Variants in SLC7A14 observed in about 807,000 individuals in gnomAD.
The protein encoded by SLC7A14 is solute carrier family 7 member 14.
SLC7A14 carries 37 observed loss-of-function variants against 60.2 expected under a neutral mutation model. That is an observed-to-expected ratio of 0.61 (90% confidence interval 0.47 to 0.81). The LOEUF (loss-of-function observed/expected upper bound fraction) is 0.81, where lower values mean the gene tolerates loss of function less well. Ranked by LOEUF, SLC7A14 falls within the 30% of genes least tolerant of loss-of-function variation. The probability of loss-of-function intolerance (pLI) is 0.00; values close to 1 mark genes in which losing one functional copy is unlikely to be tolerated. For synonymous variants in SLC7A14, 399 were observed against 395.8 expected (o/e 1.01, Z -0.10); for missense variants, 886 against 982.7 (o/e 0.90, Z 1.32).
Position 170,572,060 on chromosome 3 carries a change from CAAAAAAAAAAA to C in SLC7A14, c.-153+13840_-153+13850del, listed in dbSNP as rs765897392. Among the ~76,000 whole-genome samples the C allele has an allele frequency of 7.4e-3, 598 of 80,710 alleles. 5 individuals are homozygous for C. Among genetic ancestry groups the C allele is most frequent in the African/African-American group, 0.025 (575 of 22,968 alleles). 52.9% of individuals were successfully genotyped at this position (80,710 alleles called of 152,430 possible). ...TGGGCAATAGAGGGAGACTCTGTCT[CAAAAAAAAAAA>C]AAAAAAAAAAGAAAGAAAGAAAGAA... On this transcript the variant is annotated intron_variant, in intron 1 of 7. Coordinates refer to ENST00000231706, the MANE Select transcript of SLC7A14 (RefSeq NM_020949.3).
At chr3:170,541,508 A>G (rs1322814670) in intron 1 of SLC7A14, among the ~76,000 whole-genome samples, 1 of 152,164 alleles carries the variant, frequency 6.6e-6, no homozygotes, top group Non-Finnish European at 1.5e-5. Flanking sequence ...ACACAGGAGG[A>G]TTGCTTGAGC....
At chr3:170,510,075 C>CAA (rs34579714) in intron 2 of SLC7A14, among the ~76,000 whole-genome samples, 12 of 78,528 alleles carry the variant, frequency 1.5e-4, no homozygotes, top group Admixed American at 6.0e-4. Context: ...AACTCTGTCT[C>CAA]AAAAAAAAAA....
intron 1 of SLC7A14, among the ~76,000 whole-genome samples, chr3:170,568,967 T>G (rs1714869407): frequency 1.3e-5 from 2 of 152,226 alleles, no homozygotes; most frequent in Non-Finnish European, 1.5e-5. Context: ...CAGGGACAAT[T>G]TGACTTCCTC....
intron 2 of SLC7A14, among the ~76,000 whole-genome samples, chr3:170,515,329 A>T (rs55841122): frequency 0.15 from 21,847 of 143,974 alleles, 2,043 homozygotes; most frequent in East Asian, 0.23. Flanking sequence ...CCAAAAAAAA[A>T]ATATATATAT....
intron 1 of SLC7A14, among the ~76,000 whole-genome samples, chr3:170,555,918 T>C (rs1408766622): frequency 2.0e-5 from 3 of 152,200 alleles, no homozygotes; most frequent in East Asian, 3.8e-4. Context: ...TGTTTGCATG[T>C]AAATCTGACA....
chr3:170,526,696 C>A lies in SLC7A14; in HGVS notation c.241G>T (p.Glu81Ter). ...MYVVSGLVAK[E>*]MAGPGVIVSF... The stretch of plus-strand genomic sequence containing the variant: ...ACAATGACACCAGGTCCTGCCATTT[C>A]CTTGGCCACCAGGCCAGAGACCACA... Residue 81 changes from glutamate to a stop codon, truncating the protein, a stop_gained, in exon 2 of 8, where the codon GAA (glutamate) becomes TAA (stop). Coordinates refer to ENST00000231706, the MANE Select transcript of SLC7A14 (RefSeq NM_020949.3). LOFTEE classifies it high-confidence loss of function. The A allele has an allele frequency of 6.2e-7, 1 of 1,614,244 alleles. No homozygotes were observed. The highest frequency in any genetic ancestry group is 8.5e-7 in the Non-Finnish European group (1 of 1,180,056).
chr3:170,521,071 G>C (rs2108290970), intron 2 of SLC7A14, among the ~76,000 whole-genome samples: 1 of 152,330 alleles, frequency 6.6e-6, no homozygotes. Flanking sequence ...ATGGGGTCTG[G>C]TTGTGGCCTA....
intron 6 of SLC7A14, among the ~76,000 whole-genome samples, chr3:170,482,828 A>AT (rs1354760440): frequency 6.6e-6 from 1 of 152,142 alleles, no homozygotes; most frequent in African/African-American, 2.4e-5. Context: ...GGACACACAA[A>AT]TGTTCAATAA....
chr3:170,583,051 C>T (rs941060244), intron 1 of SLC7A14, among the ~76,000 whole-genome samples: 1 of 152,180 alleles, frequency 6.6e-6, no homozygotes. Flanking sequence ...GATATTAGCA[C>T]TTATAATGAT....
At chr3:170,488,764 A>G (rs931871522) in intron 4 of SLC7A14, among the ~76,000 whole-genome samples, 1 of 152,240 alleles carries the variant, frequency 6.6e-6, no homozygotes, top group Admixed American at 6.5e-5. Context: ...ACATTGGGGG[A>G]AAATCTTCAG....
intron 1 of SLC7A14, among the ~76,000 whole-genome samples, chr3:170,573,379 A>G (rs1715002905): frequency 6.6e-6 from 1 of 152,218 alleles, no homozygotes; most frequent in Non-Finnish European, 1.5e-5. Context: ...CCATCTGTAC[A>G]GTTCATCCAC....
At chr3:170,510,428 T>G (rs932223945) in intron 2 of SLC7A14, among the ~76,000 whole-genome samples, 2 of 151,096 alleles carry the variant, frequency 1.3e-5, no homozygotes, top group African/African-American at 4.9e-5. Flanking sequence ...AAATAAAGAA[T>G]GTAACCAACC....
intron 2 of SLC7A14, among the ~76,000 whole-genome samples, chr3:170,522,356 A>G (rs1015406451): frequency 6.6e-6 from 1 of 152,226 alleles, no homozygotes; most frequent in Non-Finnish European, 1.5e-5. Context: ...CAGTGAGTTT[A>G]TTTACATCGG....
intron 1 of SLC7A14, among the ~76,000 whole-genome samples, chr3:170,546,643 A>G (rs1560276364): frequency 6.6e-6 from 1 of 152,220 alleles, no homozygotes; most frequent in Non-Finnish European, 1.5e-5. Context: ...CAGATCTCCA[A>G]GCTGCCTCCT....
intron 1 of SLC7A14, among the ~76,000 whole-genome samples, chr3:170,583,236 A>G (rs759035312): frequency 2.0e-5 from 3 of 152,156 alleles, no homozygotes. Context: ...TACCATTCCC[A>G]TTTGTGAATT....
At chr3:170,536,832 G>A (rs753168562) in intron 1 of SLC7A14, among the ~76,000 whole-genome samples, 8 of 152,182 alleles carry the variant, frequency 5.3e-5, no homozygotes, top group African/African-American at 9.7e-5. Context: ...TCCCAAATGT[G>A]ATTGTAGAGG....
intron 2 of SLC7A14, among the ~76,000 whole-genome samples, chr3:170,508,046 G>A (rs1222648754): frequency 1.3e-5 from 2 of 152,242 alleles, no homozygotes; most frequent in African/African-American, 4.8e-5. Flanking sequence ...GGCTAGACCT[G>A]AGGTCTCCTG....
At position 170,496,746 on chromosome 3, in the gene SLC7A14, C is replaced by A. The variant is rs943077196; in HGVS notation, c.759+1921G>T. On this transcript the variant is annotated intron_variant, in intron 4 of 7. Transcript: ENST00000231706. The stretch of plus-strand genomic sequence containing the variant: ...TCACAAGCCCTGGCCTCAGCTATGG[C>A]CTAAGCTCCAGCTTTGGCTCTGTCG... 5 of 758,030 alleles carry A rather than the reference C, an allele frequency of 6.6e-6. No homozygotes were observed. The African/African-American group carries it at 8.5e-5, about 13-fold the overall frequency. 47.0% of individuals were successfully genotyped at this position (758,030 alleles called of 1,614,324 possible). A position where few individuals can be genotyped will look rare whatever the true frequency, so the allele number is the denominator to read the frequency against.
intron 1 of SLC7A14, among the ~76,000 whole-genome samples, chr3:170,553,328 A>C (rs899036234): frequency 1.3e-5 from 2 of 152,218 alleles, no homozygotes; most frequent in African/African-American, 4.8e-5. Context: ...TTCTTCTGAG[A>C]CATTGATTAG....
Sources: allele counts gnomAD v4.1 joint callset (sites outside exome capture counted in the v4.1 genomes callset), GRCh38; gene constraint gnomAD v4.1.1; transcripts MANE v1.5; gene names NCBI Gene and HGNC (gene_info 2026-07-23, HGNC 2026-07-21).